ARID2: variants seen among roughly 807,000 people sequenced by gnomAD.
The protein encoded by ARID2 is AT-rich interactive domain-containing protein 2.
In ARID2, 32 loss-of-function variants were observed where a neutral mutation model predicts 184.6. That is an observed-to-expected ratio of 0.17 (90% CI 0.13 to 0.23). The LOEUF (loss-of-function observed/expected upper bound fraction) is 0.23, where lower values mean the gene tolerates loss of function less well. ARID2 is among the 10% of genes least tolerant of loss of function. ARID2 has a pLI of 1.00. For synonymous variants in ARID2, 836 were observed against 772.6 expected, an observed-to-expected ratio of 1.08 and a Z score of -1.36; for missense variants, 1,696 against 2,197.6, an observed-to-expected ratio of 0.77 and a Z score of 4.56.
At chr12:45,842,822 T>C (rs1457490856) in intron 11 of ARID2, among the ~76,000 whole-genome samples, 3 of 151,932 alleles carry the variant, frequency 2.0e-5, no homozygotes, top group African/African-American at 7.3e-5. Flanking sequence ...TGAATAGGAC[T>C]CTCCCCTCTA....
rs1049923741 is a variant in ARID2 at position 45,844,818 on chromosome 12, C to G, written c.1499-2038C>G. Among the ~76,000 whole-genome samples, 12 of 152,178 alleles carry G rather than the reference C, an allele frequency of 7.9e-5. 1 individual carries two copies. The highest frequency in any genetic ancestry group is 7.9e-4 in the Admixed American group (12 of 15,268). The stretch of plus-strand genomic sequence containing the variant: ...GCTAGCTAGTGAGTGATGGAATTCT[C>G]TGGCTCTGGATTTATGCATTTAACC... On this transcript the variant is annotated intron_variant, in intron 11 of 20. Coordinates refer to ENST00000334344, the MANE Select transcript of ARID2 (RefSeq NM_152641.4).
At chr12:45,877,123 C>T (rs1944022769) in intron 16 of ARID2, among the ~76,000 whole-genome samples, 1 of 150,378 alleles carries the variant, frequency 6.6e-6, no homozygotes, top group African/African-American at 2.5e-5. Context: ...ATTTGCAAAG[C>T]ATAATAAAGC....
chr12:45,740,210 T>C (rs537254447), intron 3 of ARID2, among the ~76,000 whole-genome samples: 36 of 152,320 alleles, frequency 2.4e-4, no homozygotes, highest in Middle Eastern at 3.4e-3. Context: ...GTAGTAAAAA[T>C]ATATGTGATT....
At chr12:45,820,118 T>C (rs1368200074) in intron 5 of ARID2, among the ~76,000 whole-genome samples, 1 of 152,166 alleles carries the variant, frequency 6.6e-6, no homozygotes, top group Non-Finnish European at 1.5e-5. Context: ...GTGGGCTTCA[T>C]TTTGCTGGTT....
intron 15 of ARID2, among the ~76,000 whole-genome samples, chr12:45,858,986 A>G (rs1000552353): frequency 5.9e-5 from 9 of 152,258 alleles, no homozygotes; most frequent in African/African-American, 2.2e-4. Flanking sequence ...GTCTTTCAAC[A>G]TGTTATTCTC....
At chr12:45,901,774 A>ACCTTAG (rs1259537489) in intron 20 of ARID2, among the ~76,000 whole-genome samples, 6 of 151,462 alleles carry the variant, frequency 4.0e-5, no homozygotes, top group African/African-American at 7.3e-5. Flanking sequence ...TGATCCTCCC[A>ACCTTAG]CCTTAGCCTC....
At chr12:45,844,197 C>T (rs1338780447) in intron 11 of ARID2, among the ~76,000 whole-genome samples, 1 of 152,028 alleles carries the variant, frequency 6.6e-6, no homozygotes, top group Non-Finnish European at 1.5e-5. Flanking sequence ...GCCACCAAGT[C>T]TGGCTAAGGA....
chr12:45,753,336 T>C (rs1941504505), intron 3 of ARID2, among the ~76,000 whole-genome samples: 1 of 151,998 alleles, frequency 6.6e-6, no homozygotes, highest in East Asian at 1.9e-4. Flanking sequence ...TGATGGTCTG[T>C]AGCGTAGTGA....
At chr12:45,804,971 A>G (rs1292597229) in intron 3 of ARID2, among the ~76,000 whole-genome samples, 1 of 151,824 alleles carries the variant, frequency 6.6e-6, no homozygotes, top group South Asian at 2.1e-4. Flanking sequence ...TTTACTTACC[A>G]TTTTGTTGTT....
In ARID2 at chr12:45,837,605, C is replaced by G. The variant is rs896129362; in HGVS notation, c.1228C>G (p.Pro410Ala). ...YREIICHLTLPDVLLVISTLE... is the reference protein window; with the variant it reads ...YREIICHLTLADVLLVISTLE... Reference sequence around the variant, plus strand: ...AGAGATCATTTGTCATCTCACTTTACCTGATGTGCTGCTTGTAATCTCAAC... The same window carrying G: ...AGAGATCATTTGTCATCTCACTTTAGCTGATGTGCTGCTTGTAATCTCAAC... Residue 410 changes from proline (P) to alanine (A), a missense_variant, in exon 10 of 21, where the codon CCT (proline) becomes GCT (alanine). Coordinates refer to ENST00000334344, the MANE Select transcript of ARID2 (RefSeq NM_152641.4). 6.2e-7 allele frequency: 1 copy of G among 1,613,902 alleles called. No homozygotes were observed. Among genetic ancestry groups the G allele is most frequent in the Non-Finnish European group, 8.5e-7 (1 of 1,179,980 alleles).
chr12:45,818,398 G>A (rs917996752), intron 5 of ARID2, among the ~76,000 whole-genome samples: 4 of 152,052 alleles, frequency 2.6e-5, no homozygotes, highest in Non-Finnish European at 5.9e-5. Context: ...ACCTATTAAG[G>A]CTAGATTATC....
intron 6 of ARID2, 114 bp from the exon 7 acceptor site, chr12:45,836,475 T>TAG (rs1383922695): frequency 5.0e-6 from 5 of 998,254 alleles, no homozygotes; most frequent in Non-Finnish European, 7.1e-6. Context: ...CTTGGCCTCT[T>TAG]AAAGTGCTGG....
chr12:45,838,062 C>A (rs1943253387), intron 10 of ARID2, among the ~76,000 whole-genome samples: 1 of 152,176 alleles, frequency 6.6e-6, no homozygotes, highest in Non-Finnish European at 1.5e-5. Flanking sequence ...CTCTTAATTT[C>A]TGTTGTTACG....
chr12:45,749,784 A>G (rs1941424361), intron 3 of ARID2, among the ~76,000 whole-genome samples: 1 of 152,132 alleles, frequency 6.6e-6, no homozygotes, highest in South Asian at 2.1e-4. Context: ...CAAACCAACA[A>G]CCTTTGCTAG....
At chr12:45,853,012 C>G in intron 15 of ARID2, 116 bp downstream of exon 15, 1 of 1,397,320 alleles carries the variant, frequency 7.2e-7, no homozygotes, top group Non-Finnish European at 9.3e-7. Flanking sequence ...TATCAGCTCA[C>G]TTGTATCCAA....
rs2138134205 is a variant in ARID2, at chr12:45,838,238, A to G, written c.1330+531A>G. ...GTGCTGCAATCTTTAAAAATCATTG[A>G]AGTCACCTCCATAAGAGCTATCAGT... On this transcript the variant is annotated intron_variant, in intron 10 of 20. Transcript: ENST00000334344. Among the ~76,000 whole-genome samples the G allele has an allele frequency of 2.0e-5, 3 of 152,322 alleles. No individual in the cohort carries two copies. The South Asian group carries it at 6.2e-4, about 32-fold the overall frequency.
At chr12:45,904,676 T>C (rs2136472620) in intron 20 of ARID2, among the ~76,000 whole-genome samples, 1 of 115,834 alleles carries the variant, frequency 8.6e-6, no homozygotes, top group African/African-American at 3.7e-5. Context: ...GGCAATAGAG[T>C]GAGACTCCTT....
At chr12:45,871,972 C>G (rs919073607) in intron 16 of ARID2, among the ~76,000 whole-genome samples, 3 of 151,892 alleles carry the variant, frequency 2.0e-5, no homozygotes, top group Non-Finnish European at 4.4e-5. Context: ...TTTTTCATTT[C>G]TGATATTAAT....
chr12:45,837,228 A>G lies in ARID2; in HGVS notation c.1024-93A>G, dbSNP rs753946105. The G allele has an allele frequency of 8.2e-6, 10 of 1,224,004 alleles. No homozygotes were observed. In the South Asian group the frequency reaches 1.4e-4, roughly 17 times the overall value. 75.8% of individuals were successfully genotyped at this position (1,224,004 alleles called of 1,614,324 possible). On this transcript the variant is annotated intron_variant, in intron 8 of 20. Coordinates refer to ENST00000334344, the MANE Select transcript of ARID2 (RefSeq NM_152641.4). ...CAATAACATTTTTTAACGTTATGCA[A>G]CATTGTCCTGTTTATTTTTTATTTT...
Sources: gnomAD v4.1 joint callset for allele counts (sites outside exome capture counted in the v4.1 genomes callset) on GRCh38, gnomAD v4.1.1 for gene constraint, MANE v1.5 for transcripts, NCBI Gene and HGNC (gene_info 2026-07-23, HGNC 2026-07-21) for gene names.